The following SF3B2 variants were observed in gnomAD, a reference collection of about 807,000 sequenced individuals.
SF3B2 encodes the protein SAP 145.
A neutral mutation model predicts 116.3 loss-of-function variants in SF3B2; 22 were observed. The ratio of observed to expected loss-of-function variants is 0.19; its 90% CI spans 0.14 to 0.27. The LOEUF (loss-of-function observed/expected upper bound fraction) is 0.27, where lower values mean the gene tolerates loss of function less well. Among genes scored for constraint, SF3B2 ranks in the 10% least tolerant of loss-of-function variants. The probability of loss-of-function intolerance (pLI) is 1.00; values close to 1 mark genes in which losing one functional copy is unlikely to be tolerated. For missense variants in SF3B2, 767 were observed against 1,151.4 expected, an observed-to-expected ratio of 0.67 and a Z score of 4.83; for synonymous variants, 406 against 421.6, an observed-to-expected ratio of 0.96 and a Z score of 0.45.
chr11:66,065,664 C>T (rs1259199523), intron 19 of SF3B2: 3 of 151,928 alleles, frequency 2.0e-5, no homozygotes, highest in Non-Finnish European at 2.9e-5. Context: ...TAAAGAAATT[C>T]TTCTCTCTTT....
At chr11:66,062,901 C>T (rs1194720103) in intron 16 of SF3B2, 108 bp from the exon 17 acceptor site, 8 of 574,110 alleles carry the variant, frequency 1.4e-5, no homozygotes, top group African/African-American at 3.8e-5. Flanking sequence ...TCATAATTTC[C>T]GGAGTTCCCA....
Position 66,068,800 on chromosome 11 carries a change from A to T in SF3B2, c.*55A>T. 7.3e-7 allele frequency: 1 copy of T among 1,362,116 alleles called. No individual in the cohort carries two copies. The highest frequency in any genetic ancestry group is 1.0e-6 in the Non-Finnish European group (1 of 955,130). The allele number at this position is 1,362,116 out of a possible 1,614,324, so 84.4% of individuals were successfully genotyped here. A position where few individuals can be genotyped will look rare whatever the true frequency, so the allele number is the denominator to read the frequency against. On this transcript the variant is annotated 3_prime_UTR_variant, in exon 22 of 22. Coordinates refer to ENST00000322535, the MANE Select transcript of SF3B2 (RefSeq NM_006842.3). Reference sequence around the variant, plus strand: ...CTACGTCTGGATGCCTGGGCTTCACACAAGAACCACCTCTCCCGCAGTTCC... The same window carrying T: ...CTACGTCTGGATGCCTGGGCTTCACTCAAGAACCACCTCTCCCGCAGTTCC...
rs1168539119 is a variant in SF3B2, at chr11:66,056,693, G to A, written c.550-145G>A. On this transcript the variant is annotated intron_variant, in intron 5 of 21. Transcript: ENST00000322535. ...CTCCGTTTGGATTAGTAGCCTGGAA[G>A]TGTGGGGGTGGAGGGGATGTCAGCA... 9.7e-4 allele frequency: 615 copies of A among 634,070 alleles called. 2 individuals carry two copies. Among genetic ancestry groups the A allele is most frequent in the Non-Finnish European group, 1.3e-4 (45 of 344,016 alleles). The allele number at this position is 634,070 out of a possible 1,614,324, so 39.3% of individuals were successfully genotyped here. A position where few individuals can be genotyped will look rare whatever the true frequency, so the allele number is the denominator to read the frequency against.
At chr11:66,056,050 T>C (rs1376382765) in intron 5 of SF3B2, among the ~76,000 whole-genome samples, 2 of 152,150 alleles carry the variant, frequency 1.3e-5, no homozygotes, top group African/African-American at 4.8e-5. Flanking sequence ...CAGAGGTGCA[T>C]TGCATCAGTC....
At chr11:66,066,335 G>A (rs925278234) in intron 19 of SF3B2, 1 of 151,644 alleles carries the variant, frequency 6.6e-6, no homozygotes, top group Non-Finnish European at 1.5e-5. Flanking sequence ...TTTGAGAGAG[G>A]TTCTCACTGT....
Position 66,068,845 on chromosome 11 carries a change from GTTC to G in SF3B2, c.*103_*105del. 3 of 952,520 alleles carry G rather than the reference GTTC, an allele frequency of 3.1e-6. No homozygotes were observed. Among genetic ancestry groups the G allele is most frequent in the East Asian group, 2.4e-5 (1 of 41,224 alleles). The allele number at this position is 952,520 out of a possible 1,614,324, so 59.0% of individuals were successfully genotyped here. ...AGTTCCCAAGGACTTGTCATTTCAT[GTTC>G]TTATTTTAGACCTGTTTTGTAAATA... On this transcript the variant is annotated 3_prime_UTR_variant, in exon 22 of 22. Transcript: ENST00000322535.
intron 14 of SF3B2, among the ~76,000 whole-genome samples, chr11:66,061,428 T>C (rs1325486083): frequency 1.3e-5 from 2 of 152,234 alleles, no homozygotes; most frequent in African/African-American, 4.8e-5. Flanking sequence ...TTTGCATATC[T>C]TCCTGTCGAG....
chr11:66,057,808 A>C (rs1164158249), intron 7 of SF3B2, among the ~76,000 whole-genome samples: 1 of 151,916 alleles, frequency 6.6e-6, no homozygotes, highest in Non-Finnish European at 1.5e-5. Context: ...CCCCATCTCT[A>C]CTAAAAATAC....
At chr11:66,065,334 A>G (rs1359817390) in intron 19 of SF3B2, 1 of 152,192 alleles carries the variant, frequency 6.6e-6, no homozygotes, top group Non-Finnish European at 1.5e-5. Flanking sequence ...CTAGTGAGAA[A>G]ACTGCTGTCA....
In SF3B2 at chr11:66,059,901, G is replaced by A. The variant is rs1367447885; in HGVS notation, c.1521G>A (p.Lys507=). Residue 507 remains lysine, a synonymous_variant, in exon 13 of 22, where the codon AAG becomes AAA. Coordinates refer to ENST00000322535, the MANE Select transcript of SF3B2 (RefSeq NM_006842.3). The surrounding 1 kb of genome is among the most constrained non-coding windows in gnomAD (Gnocchi z 5.0). ...CTGTGCCACGCCACTGGTGTTTTAAGCGCAAATACCTGCAGGGCAAACGGG... is the reference window on the plus strand; with the variant it reads ...CTGTGCCACGCCACTGGTGTTTTAAACGCAAATACCTGCAGGGCAAACGGG... ...SVPVPRHWCF[K]RKYLQGKRGI... is the part of the protein sequence containing the mutation. The A allele has an allele frequency of 6.2e-7, 1 of 1,614,206 alleles. No homozygotes were observed. The highest frequency in any genetic ancestry group is 1.3e-5 in the African/African-American group (1 of 75,046).
At chr11:66,063,211 G>C (rs1037336382) in intron 17 of SF3B2, 95 bp downstream of exon 17, 6 of 1,080,238 alleles carry the variant, frequency 5.6e-6, no homozygotes, top group Non-Finnish European at 8.2e-6. Flanking sequence ...TGTGTGTTCT[G>C]ACACAGCAGA....
At chr11:66,068,437 G>A in intron 21 of SF3B2, 104 bp downstream of exon 21, 1 of 1,195,272 alleles carries the variant, frequency 8.4e-7, no homozygotes, top group Non-Finnish European at 1.2e-6. Context: ...GGTGGCCTCT[G>A]CTTGCTGCTC....
chr11:66,052,816 G>A, intron 2 of SF3B2, 97 bp downstream of exon 2: 1 of 1,393,788 alleles, frequency 7.2e-7, no homozygotes, highest in Non-Finnish European at 9.8e-7. Flanking sequence ...CTTTATCTCG[G>A]CACAGCAAGG....
intron 19 of SF3B2, 111 bp downstream of exon 19, chr11:66,063,840 C>A (rs1857136327): frequency 2.4e-6 from 2 of 841,464 alleles, no homozygotes; most frequent in Non-Finnish European, 1.8e-6. Context: ...ATTGAACCAA[C>A]TCTCTGCCAG....
rs377445541 is a variant in SF3B2 at position 66,060,716 on chromosome 11, G to A, written c.1764G>A (p.Gly588=). The part of the protein sequence containing the change: ...WQTKPKLTIH[G]DLYYEGKEFE... ...CCAAGCCAAAGCTGACCATCCATGG[G>A]GACCTGTACTATGAGGTTCGGGAGG... The change falls in exon 14 of 22, where the codon GGG becomes GGA. Residue 588 remains glycine (G), a synonymous_variant. Transcript: ENST00000322535. 3 of 1,614,086 alleles carry A rather than the reference G, an allele frequency of 1.9e-6. No homozygotes were observed. Among genetic ancestry groups the A allele is most frequent in the Non-Finnish European group, 2.5e-6 (3 of 1,180,050 alleles).
At chr11:66,055,613 C>T in intron 5 of SF3B2, 28 bp downstream of exon 5, 1 of 1,610,854 alleles carries the variant, frequency 6.2e-7, no homozygotes, top group Non-Finnish European at 8.5e-7. Flanking sequence ...AACCTTTGAC[C>T]TCGTGGTCCA....
intron 16 of SF3B2, among the ~76,000 whole-genome samples, chr11:66,062,722 G>A (rs935521725): frequency 2.0e-5 from 3 of 152,180 alleles, no homozygotes; most frequent in African/African-American, 7.2e-5. Flanking sequence ...AGAAATTGAA[G>A]TCATGTTTTC....
chr11:66,057,330 C>A lies in SF3B2; in HGVS notation c.732C>A (p.Pro244=). The A allele has an allele frequency of 1.2e-6, 2 of 1,604,464 alleles. No individual in the cohort carries two copies. Among genetic ancestry groups the A allele is most frequent in the Non-Finnish European group, 1.7e-6 (2 of 1,171,180 alleles). Residue 244 remains proline, a synonymous_variant, in exon 7 of 22, where the codon CCC becomes CCA. Transcript: ENST00000322535. ...PTVLPMGAPV[P]RPRGPPPPPG... Reference sequence around the variant, plus strand: ...TTTTGCCCATGGGAGCCCCTGTTCCCCGGCCTCGTGGTCCCCCACCGCCCC... The same window carrying A: ...TTTTGCCCATGGGAGCCCCTGTTCCACGGCCTCGTGGTCCCCCACCGCCCC...
rs771948756 is a variant in SF3B2, at chr11:66,063,116, G to A, written c.2085G>A (p.Gln695=). The A allele has an allele frequency of 8.7e-6, 14 of 1,607,870 alleles. No homozygotes were observed. The African/African-American group carries it at 1.7e-4, about 20-fold the overall frequency. Reference sequence around the variant, plus strand: ...TTGGAACCAATGCTGCTGAATTTCAGGTATGGGCCATGTACTAGCGATCTT... The same window carrying A: ...TTGGAACCAATGCTGCTGAATTTCAAGTATGGGCCATGTACTAGCGATCTT... ...DVFGTNAAEF[Q]TKTEEEEIDR... is the part of the protein sequence containing the mutation. Residue 695 remains glutamine (Q), a splice_region_variant and synonymous_variant, in exon 17 of 22, where the codon CAG becomes CAA. Coordinates refer to ENST00000322535, the MANE Select transcript of SF3B2 (RefSeq NM_006842.3).
Sources: gnomAD v4.1 joint callset for allele counts (sites outside exome capture counted in the v4.1 genomes callset) on GRCh38, gnomAD v4.1.1 for gene constraint, Gnocchi (gnomAD v3.1) non-coding constraint, MANE v1.5 for transcripts, NCBI Gene and HGNC (gene_info 2026-07-23, HGNC 2026-07-21) for gene names.